Variants in EYA1 observed in about 807,000 individuals in gnomAD.
EYA1 encodes protein phosphatase EYA1.
EYA1 carries 16 observed loss-of-function variants against 82.0 expected under a neutral mutation model. The ratio of observed to expected loss-of-function variants is 0.20; its 90% CI spans 0.13 to 0.30. The LOEUF (loss-of-function observed/expected upper bound fraction) is 0.30, where lower values mean the gene tolerates loss of function less well. Ranked by LOEUF, EYA1 falls within the 10% of genes least tolerant of loss-of-function variation. EYA1 has a pLI of 1.00. For synonymous variants in EYA1, 261 were observed against 264.4 expected (o/e 0.99, Z 0.12); for missense variants, 633 against 730.7 (o/e 0.87, Z 1.54).
chr8:71,427,592 T>C (rs1805324218), intron 2 of EYA1, among the ~76,000 whole-genome samples: 3 of 152,206 alleles, frequency 2.0e-5, no homozygotes, highest in South Asian at 4.1e-4. Flanking sequence ...TCACCTTTTA[T>C]GCCTTATATA....
At chr8:71,305,930 T>C (rs1318632631) in intron 7 of EYA1, among the ~76,000 whole-genome samples, 3 of 152,176 alleles carry the variant, frequency 2.0e-5, no homozygotes, top group South Asian at 2.1e-4. Context: ...CAGCATCTAC[T>C]GGCATTCTTT....
intron 11 of EYA1, among the ~76,000 whole-genome samples, chr8:71,267,757 C>T (rs7013487): frequency 0.07 from 10,643 of 152,130 alleles, 564 homozygotes; most frequent in African/African-American, 0.15. Context: ...ACTGTGTTAG[C>T]CAGGATGGTC....
At chr8:71,538,441 T>C (rs971342995) in intron 1 of EYA1, among the ~76,000 whole-genome samples, 1 of 152,230 alleles carries the variant, frequency 6.6e-6, no homozygotes, top group Non-Finnish European at 1.5e-5. Flanking sequence ...GAGCTAGAAT[T>C]AAGTAGACAG....
chr8:71,531,579 T>G (rs1469915417), intron 2 of EYA1, among the ~76,000 whole-genome samples: 1 of 152,206 alleles, frequency 6.6e-6, no homozygotes. Flanking sequence ...CTTGACATGA[T>G]TTCTTTCTAG....
At chr8:71,492,255 T>G (rs2129225911) in intron 2 of EYA1, among the ~76,000 whole-genome samples, 1 of 152,328 alleles carries the variant, frequency 6.6e-6, no homozygotes, top group African/African-American at 2.4e-5. Flanking sequence ...GCAGATCTGC[T>G]AAATGAATAC....
At chr8:71,429,050 T>A (rs1337393987) in intron 2 of EYA1, among the ~76,000 whole-genome samples, 1 of 152,174 alleles carries the variant, frequency 6.6e-6, no homozygotes, top group East Asian at 1.9e-4. Flanking sequence ...TGGAAGTATT[T>A]GGTCACCTTC....
chr8:71,320,395 T>A (rs1233250866), intron 6 of EYA1, among the ~76,000 whole-genome samples: 1 of 152,196 alleles, frequency 6.6e-6, no homozygotes, highest in African/African-American at 2.4e-5. Context: ...AGAACGTAAA[T>A]CAAAGACTGC....
intron 2 of EYA1, among the ~76,000 whole-genome samples, chr8:71,479,669 A>G (rs1809974386): frequency 6.8e-6 from 1 of 146,964 alleles, no homozygotes; most frequent in African/African-American, 2.5e-5. Flanking sequence ...ATATTTGGGG[A>G]TACCATTTTA....
At chr8:71,543,701 T>C (rs1263690754) in intron 1 of EYA1, among the ~76,000 whole-genome samples, 3 of 152,210 alleles carry the variant, frequency 2.0e-5, no homozygotes, top group African/African-American at 4.8e-5. Context: ...CCAACAATAT[T>C]CATTTTTAGG....
intron 2 of EYA1, among the ~76,000 whole-genome samples, chr8:71,419,454 G>T (rs1177506234): frequency 6.6e-6 from 1 of 152,040 alleles, no homozygotes; most frequent in Non-Finnish European, 1.5e-5. Flanking sequence ...AAACTCCATT[G>T]TCAAAAAGCA....
intron 2 of EYA1, among the ~76,000 whole-genome samples, chr8:71,495,890 C>T (rs552401622): frequency 6.6e-6 from 1 of 152,186 alleles, no homozygotes; most frequent in Non-Finnish European, 1.5e-5. Flanking sequence ...GCCAGGGGAT[C>T]ATTCCCCAGC....
In EYA1 at chr8:71,354,830, C is replaced by A. The variant is rs199664417; in HGVS notation, c.76G>T (p.Gly26Cys). Reference sequence around the variant, plus strand: ...GAATTACTATTTATATGAGAGTTACCGAGTTTGGGGCCACTGGGGGATTCA... The same window carrying A: ...GAATTACTATTTATATGAGAGTTACAGAGTTTGGGGCCACTGGGGGATTCA... ...SSESPSGPKLGNSHINSNSMT... is the reference protein window; with the variant it reads ...SSESPSGPKLCNSHINSNSMT... Residue 26 changes from glycine to cysteine, a missense_variant, in exon 3 of 18, where the codon GGT (glycine) becomes TGT (cysteine). Physicochemically the swap from Gly to Cys is radical, Grantham distance 159. Coordinates refer to ENST00000340726, the MANE Select transcript of EYA1 (RefSeq NM_000503.6). The A allele has an allele frequency of 1.9e-6, 3 of 1,613,574 alleles. No homozygotes were observed. The highest frequency in any genetic ancestry group is 2.5e-6 in the Non-Finnish European group (3 of 1,179,658).
At chr8:71,296,634 A>G (rs1819627612) in intron 9 of EYA1, among the ~76,000 whole-genome samples, 1 of 151,456 alleles carries the variant, frequency 6.6e-6, no homozygotes. Context: ...AGTAAAAGAA[A>G]AAAAAAAAGA....
At chr8:71,256,923 C>T (rs370755955) in intron 11 of EYA1, among the ~76,000 whole-genome samples, 10 of 151,826 alleles carry the variant, frequency 6.6e-5, no homozygotes, top group Middle Eastern at 3.4e-3. Flanking sequence ...CGCCTGAACC[C>T]GGGAGACGGA....
intron 8 of EYA1, 96 bp downstream of exon 8, chr8:71,299,542 G>T: frequency 1.2e-6 from 1 of 823,560 alleles, no homozygotes. Context: ...AAAGCCTTAG[G>T]AAAGCTCTCA....
intron 11 of EYA1, among the ~76,000 whole-genome samples, chr8:71,258,732 C>T (rs965065682): frequency 6.6e-6 from 1 of 152,216 alleles, no homozygotes; most frequent in Non-Finnish European, 1.5e-5. Context: ...ATTATAGTTA[C>T]ATTTGCACTG....
intron 2 of EYA1, among the ~76,000 whole-genome samples, chr8:71,436,520 G>C (rs1360856712): frequency 6.6e-6 from 1 of 152,056 alleles, no homozygotes; most frequent in African/African-American, 2.4e-5. Context: ...AAAATTGATT[G>C]TGTCCCTATA....
intron 2 of EYA1, among the ~76,000 whole-genome samples, chr8:71,369,288 T>C (rs746978566): frequency 2.0e-5 from 3 of 152,108 alleles, no homozygotes; most frequent in Admixed American, 1.3e-4. Context: ...TTGGATTTCA[T>C]GTCTATCATT....
chr8:71,431,414 A>G (rs1351476239), intron 2 of EYA1, among the ~76,000 whole-genome samples: 1 of 152,132 alleles, frequency 6.6e-6, no homozygotes, highest in Non-Finnish European at 1.5e-5. Flanking sequence ...CCTGGACTAG[A>G]AATTCCTAAT....
Sources: allele counts gnomAD v4.1 joint callset (sites outside exome capture counted in the v4.1 genomes callset), GRCh38; gene constraint gnomAD v4.1.1; transcripts MANE v1.5; gene names NCBI Gene and HGNC (gene_info 2026-07-23, HGNC 2026-07-21).